LATS2: variants seen among roughly 807,000 people sequenced by gnomAD.
LATS2 encodes the protein serine/threonine-protein kinase LATS2.
LATS2 carries 24 observed loss-of-function variants against 76.0 expected under a neutral mutation model. The observed-to-expected ratio is 0.32, with a 90% CI of 0.23 to 0.44. The LOEUF (loss-of-function observed/expected upper bound fraction) is 0.44. Among genes scored for constraint, LATS2 ranks in the 20% least tolerant of loss-of-function variants. LATS2 has a pLI of 1.00. For missense variants in LATS2, 1,286 were observed against 1,481.2 expected (o/e 0.87, Z 2.16); for synonymous variants, 692 against 635.4 (o/e 1.09, Z -1.34).
chr13:20,988,965 C>T lies in LATS2; in HGVS notation c.815G>A (p.Ser272Asn). ...GEPLGYGVQR[S>N]PSFQSKTPPE... is the part of the protein sequence containing the mutation. The stretch of plus-strand genomic sequence containing the variant: ...CGGCGTCTTGCTCTGGAAGGAGGGG[C>T]TGCGCTGCACTCCGTAGCCCAGGGG... The change falls in exon 4 of 8, where the codon AGC becomes AAC. Residue 272 changes from serine to asparagine, a missense_variant. Around this residue, in one of 5 missense-constraint regions of LATS2, gnomAD observed 710 missense variants for 660.9 expected, o/e 1.07. Coordinates refer to ENST00000382592, the MANE Select transcript of LATS2 (RefSeq NM_014572.3). 6.5e-7 allele frequency: 1 copy of T among 1,538,538 alleles called. No homozygotes were observed. Among genetic ancestry groups the T allele is most frequent in the Non-Finnish European group, 8.7e-7 (1 of 1,147,716 alleles).
intron 2 of LATS2, among the ~76,000 whole-genome samples, chr13:21,009,896 C>G (rs959352776): frequency 2.6e-5 from 4 of 152,050 alleles, no homozygotes. Flanking sequence ...TGAGAGCAGA[C>G]AGCAAGGAAA....
chr13:21,021,276 C>G (rs1872048154), intron 2 of LATS2, among the ~76,000 whole-genome samples: 1 of 151,882 alleles, frequency 6.6e-6, no homozygotes, highest in Admixed American at 6.6e-5. Flanking sequence ...AGTTCAAGAC[C>G]AGCCTGGCTA....
chr13:20,989,652 G>C (rs1870422446), intron 3 of LATS2, among the ~76,000 whole-genome samples: 1 of 152,194 alleles, frequency 6.6e-6, no homozygotes, highest in Admixed American at 6.5e-5. Context: ...TGCATAGCCA[G>C]CTTTGCTTTT....
Position 20,983,461 on chromosome 13 carries a change from G to A in LATS2, c.2245C>T (p.Pro749Ser), listed in dbSNP as rs754974924. Residue 749 changes from proline to serine, a missense_variant, in exon 5 of 8, where the codon CCT (proline) becomes TCT (serine). Pro to Ser is a moderately conservative substitution (Grantham distance 74, BLOSUM62 -1). This residue lies in a region of LATS2 where 247 missense variants were observed against 385.4 expected (regional missense o/e 0.64). Transcript: ENST00000382592. ...AGCAGGCTCATCATGTCCCCACCAG[G>A]GATGTAGTCCATCACAAAGTACAGG... The part of the protein sequence containing the change: ...DSLYFVMDYI[P>S]GGDMMSLLIR... The A allele has an allele frequency of 1.2e-6, 2 of 1,613,916 alleles. No individual in the cohort carries two copies. The highest frequency in any genetic ancestry group is 1.3e-5 in the African/African-American group (1 of 74,874).
At chr13:21,005,537 A>AGATATGGGTAAGATATGGG (rs1198411533) in intron 2 of LATS2, 4 of 152,254 alleles carry the variant, frequency 2.6e-5, no homozygotes, top group African/African-American at 7.2e-5. Flanking sequence ...AGGAAGAGTA[A>AGATATGGGTAAGATATGGG]TAAGATATGG....
At chr13:21,029,688 A>G (rs935369271) in intron 2 of LATS2, among the ~76,000 whole-genome samples, 4 of 151,898 alleles carry the variant, frequency 2.6e-5, no homozygotes, top group African/African-American at 9.7e-5. Flanking sequence ...CTACTCGGAA[A>G]GCTGAGGCAG....
At chr13:21,058,733 T>C (rs1873529063) in intron 1 of LATS2, among the ~76,000 whole-genome samples, 1 of 152,240 alleles carries the variant, frequency 6.6e-6, no homozygotes, top group Admixed American at 6.5e-5. Context: ...ATTTGGAAAG[T>C]TATTAAATGT....
chr13:20,994,009 A>G (rs1870630665), intron 2 of LATS2, among the ~76,000 whole-genome samples: 3 of 152,114 alleles, frequency 2.0e-5, no homozygotes, highest in African/African-American at 7.2e-5. Flanking sequence ...GTGCTCATTA[A>G]CCCAGTACCT....
chr13:21,030,265 C>G (rs1274649110), intron 2 of LATS2, among the ~76,000 whole-genome samples: 1 of 152,042 alleles, frequency 6.6e-6, no homozygotes. Context: ...CAACAATCTA[C>G]TTAAATGTTA....
chr13:21,004,406 C>T (rs1280805507), intron 2 of LATS2, among the ~76,000 whole-genome samples: 2 of 150,714 alleles, frequency 1.3e-5, no homozygotes, highest in Non-Finnish European at 2.9e-5. Flanking sequence ...TGCACTCTAG[C>T]CTGGGCAACA....
At chr13:21,010,716 A>C (rs1054898101) in intron 2 of LATS2, among the ~76,000 whole-genome samples, 3 of 152,208 alleles carry the variant, frequency 2.0e-5, no homozygotes, top group African/African-American at 7.2e-5. Context: ...TAGTCGTCAC[A>C]CATGTACTTT....
chr13:21,021,974 G>A (rs1248604014), intron 2 of LATS2, among the ~76,000 whole-genome samples: 3 of 152,122 alleles, frequency 2.0e-5, no homozygotes, highest in East Asian at 1.9e-4. Context: ...CACTTTCTTC[G>A]TTAGAGGAGC....
chr13:21,010,520 A>T (rs983284134), intron 2 of LATS2, among the ~76,000 whole-genome samples: 18 of 152,336 alleles, frequency 1.2e-4, no homozygotes, highest in African/African-American at 4.3e-4. Flanking sequence ...TTCCAAACAA[A>T]GCCGGAACAA....
At position 20,991,094 on chromosome 13, in the gene LATS2, G is replaced by A. The variant is rs938751233; in HGVS notation, c.475+178C>T. Among the ~76,000 whole-genome samples, 4 of 152,234 alleles carry A rather than the reference G, an allele frequency of 2.6e-5. No homozygotes were observed. The highest frequency in any genetic ancestry group is 9.6e-5 in the African/African-American group (4 of 41,476). ...CGGTCTACCACTTGGGGCTGCTCCC[G>A]CCAGGGCCTGACTCTGTCAGGGCAG... On this transcript the variant is annotated intron_variant, in intron 3 of 7. Transcript: ENST00000382592. The surrounding 1 kb of genome is among the most constrained non-coding windows in gnomAD (Gnocchi z 4.9).
rs889409624 is a variant in LATS2, at chr13:20,991,182, G to A, written c.475+90C>T. 8 of 1,508,892 alleles carry A rather than the reference G, an allele frequency of 5.3e-6. No individual in the cohort carries two copies. The African/African-American group carries it at 5.5e-5, about 10-fold the overall frequency. 93.5% of individuals were successfully genotyped at this position (1,508,892 alleles called of 1,614,324 possible). A position where few individuals can be genotyped will look rare whatever the true frequency, so the allele number is the denominator to read the frequency against. On this transcript the variant is annotated intron_variant, in intron 3 of 7. Coordinates refer to ENST00000382592, the MANE Select transcript of LATS2 (RefSeq NM_014572.3). The surrounding 1 kb of genome is among the most constrained non-coding windows in gnomAD (Gnocchi z 4.9). ...GTGCCAGGAGACTGGCTCTGGCCAG[G>A]CCAGGCCAGGTTGGACCCCTCTGCA...
chr13:21,022,084 G>A (rs1173981626), intron 2 of LATS2, among the ~76,000 whole-genome samples: 3 of 152,074 alleles, frequency 2.0e-5, no homozygotes, highest in Non-Finnish European at 4.4e-5. Context: ...TCTCAAACTT[G>A]TGGAGGAGCT....
At chr13:21,021,155 A>T (rs897798558) in intron 2 of LATS2, among the ~76,000 whole-genome samples, 3 of 152,142 alleles carry the variant, frequency 2.0e-5, no homozygotes, top group African/African-American at 7.2e-5. Flanking sequence ...TTACTTGTGA[A>T]TATGTTAAAC....
At chr13:21,008,051 A>G (rs76660573) in intron 2 of LATS2, among the ~76,000 whole-genome samples, 9,830 of 151,606 alleles carry the variant, frequency 0.065, 604 homozygotes, top group African/African-American at 0.16. Flanking sequence ...GAGCCACCGT[A>G]CCCAGCCCTG....
chr13:21,014,474 T>G (rs868721797), intron 2 of LATS2, among the ~76,000 whole-genome samples: 4 of 152,338 alleles, frequency 2.6e-5, no homozygotes, highest in Middle Eastern at 3.4e-3. Flanking sequence ...GCTAAGGAAC[T>G]GCCATAAAGG....
Sources: gnomAD v4.1 joint callset for allele counts (sites outside exome capture counted in the v4.1 genomes callset) on GRCh38, gnomAD v4.1.1 for gene constraint, gnomAD v4.1.1 regional missense constraint, Gnocchi (gnomAD v3.1) non-coding constraint, MANE v1.5 for transcripts, NCBI Gene and HGNC (gene_info 2026-07-23, HGNC 2026-07-21) for gene names.